The following HOATZ variants were observed in gnomAD, a reference collection of about 807,000 sequenced individuals.
HOATZ encodes the protein cilia- and flagella-associated protein HOATZ.
A neutral mutation model predicts 24.9 loss-of-function variants in HOATZ; 26 were observed. That is an observed-to-expected ratio of 1.04 (90% CI 0.76 to 1.45). HOATZ has a LOEUF of 1.45. Among genes scored for constraint, HOATZ ranks in the 40% most tolerant of loss-of-function variants. The pLI is 0.00. For synonymous variants in HOATZ, 83 were observed against 76.6 expected (o/e 1.08, Z -0.43); for missense variants, 226 against 201.5 (o/e 1.12, Z -0.74).
At chr11:111,530,231 G>A (rs1223743574) in intron 3 of HOATZ, among the ~76,000 whole-genome samples, 4 of 152,176 alleles carry the variant, frequency 2.6e-5, no homozygotes, top group Non-Finnish European at 5.9e-5. Context: ...CTAAGATCAC[G>A]AAGCTCTAAC....
intron 3 of HOATZ, among the ~76,000 whole-genome samples, chr11:111,517,699 T>C (rs1867220999): frequency 6.6e-6 from 1 of 152,154 alleles, no homozygotes; most frequent in African/African-American, 2.4e-5. Context: ...TATATGCACA[T>C]AATACTATGA....
At chr11:111,528,244 G>A (rs1389812137) in intron 3 of HOATZ, among the ~76,000 whole-genome samples, 2 of 152,182 alleles carry the variant, frequency 1.3e-5, no homozygotes, top group African/African-American at 4.8e-5. Flanking sequence ...GAGGTGGGAG[G>A]ATTGCTTGAG....
chr11:111,517,771 G>A (rs561143692), intron 3 of HOATZ, among the ~76,000 whole-genome samples: 1 of 152,268 alleles, frequency 6.6e-6, no homozygotes, highest in Admixed American at 6.5e-5. Flanking sequence ...CAAAGGTGCT[G>A]GGTTTTAAAG....
At chr11:111,524,828 G>A in intron 3 of HOATZ, 1 of 429,250 alleles carries the variant, frequency 2.3e-6, no homozygotes, top group Non-Finnish European at 4.6e-6. Context: ...AAACTTTGAT[G>A]AACAGCTTTT....
chr11:111,522,007 A>G (rs1324053674), intron 3 of HOATZ, among the ~76,000 whole-genome samples: 2 of 152,234 alleles, frequency 1.3e-5, no homozygotes, highest in East Asian at 1.9e-4. Context: ...GAGTAGGAAA[A>G]AAAAAATGCT....
Position 111,533,775 on chromosome 11 carries a change from C to G in HOATZ, c.369C>G (p.Leu123=). 1 of 1,572,436 alleles carries G rather than the reference C, an allele frequency of 6.4e-7. No homozygotes were observed. ...KAKTREEILQ[L]LRKQREERIS... is the part of the protein sequence containing the mutation. Reference sequence around the variant, plus strand: ...AAACAAGAGAAGAGATTCTCCAACTCTTAAGAAAACAAAGAGAAGAAAGGA... The same window carrying G: ...AAACAAGAGAAGAGATTCTCCAACTGTTAAGAAAACAAAGAGAAGAAAGGA... Residue 123 remains leucine (L), a synonymous_variant, in exon 4 of 6, where the codon CTC becomes CTG. Coordinates refer to ENST00000375618, the MANE Select transcript of HOATZ (RefSeq NM_001100388.2).
chr11:111,528,360 T>C (rs1250535110), intron 3 of HOATZ, among the ~76,000 whole-genome samples: 1 of 152,104 alleles, frequency 6.6e-6, no homozygotes, highest in Admixed American at 6.5e-5. Context: ...AATTAAATTC[T>C]GGAGGCTCAA....
chr11:111,525,313 A>G lies in HOATZ; in HGVS notation c.340-8433A>G, dbSNP rs138958473. On this transcript the variant is annotated intron_variant, in intron 3 of 5. Transcript: ENST00000375618. ...GACACATTCTTTAGAGCACTGAATAACTAAAAATATAAAAGATTGTTCTTA... is the reference window on the plus strand; with the variant it reads ...GACACATTCTTTAGAGCACTGAATAGCTAAAAATATAAAAGATTGTTCTTA... Among the ~76,000 whole-genome samples the G allele has an allele frequency of 2.6e-5, 4 of 152,364 alleles. 1 individual carries two copies. Among genetic ancestry groups the G allele is most frequent in the Non-Finnish European group, 4.4e-5 (3 of 68,042 alleles).
At chr11:111,535,629 T>C (rs1367550622) in intron 5 of HOATZ, 1 of 152,228 alleles carries the variant, frequency 6.6e-6, no homozygotes, top group Non-Finnish European at 1.5e-5. Flanking sequence ...TCTGTTGTGA[T>C]TATCTTCCTA....
At chr11:111,523,884 C>T (rs1867300673) in intron 3 of HOATZ, among the ~76,000 whole-genome samples, 1 of 152,224 alleles carries the variant, frequency 6.6e-6, no homozygotes. Flanking sequence ...ATAAATGCCT[C>T]TTTCTTTAAT....
chr11:111,524,499 A>T (rs1314902551), intron 3 of HOATZ, among the ~76,000 whole-genome samples: 2 of 152,230 alleles, frequency 1.3e-5, no homozygotes, highest in Non-Finnish European at 2.9e-5. Context: ...GGAATGCTAG[A>T]CAAGAAATTG....
At chr11:111,525,056 A>T (rs1867321038) in intron 3 of HOATZ, 1 of 316,404 alleles carries the variant, frequency 3.2e-6, no homozygotes, top group African/African-American at 2.2e-5. Context: ...TTTTTTGTAG[A>T]GGCAGGGTTT....
chr11:111,517,476 A>G (rs1358462509), intron 3 of HOATZ, among the ~76,000 whole-genome samples: 1 of 152,190 alleles, frequency 6.6e-6, no homozygotes, highest in Non-Finnish European at 1.5e-5. Flanking sequence ...TAGGCTAATA[A>G]TCTTAGAACT....
chr11:111,536,810 G>T lies in HOATZ; in HGVS notation c.493G>T (p.Val165Phe), dbSNP rs1487614070. Residue 165 changes from valine (V) to phenylalanine (F), a missense_variant, in exon 6 of 6, where the codon GTC becomes TTC. Physicochemically the swap from Val to Phe is conservative, Grantham distance 50. Coordinates refer to ENST00000375618, the MANE Select transcript of HOATZ (RefSeq NM_001100388.2). ...GTCAGATAAAGAGGACCAAGAAGAA[G>T]TCAAAACTTTGGACTAATTTGCTTG... ...SESDKEDQEE[V>F]KTLD 4 of 1,613,702 alleles carry T rather than the reference G, an allele frequency of 2.5e-6. No individual in the cohort carries two copies. The highest frequency in any genetic ancestry group is 3.4e-6 in the Non-Finnish European group (4 of 1,179,822).
chr11:111,527,037 C>A (rs774215423), intron 3 of HOATZ, among the ~76,000 whole-genome samples: 6 of 152,152 alleles, frequency 3.9e-5, no homozygotes, highest in Admixed American at 2.0e-4. Context: ...TCATTTTATG[C>A]TCATATTTTC....
chr11:111,518,077 A>G (rs1170583573), intron 3 of HOATZ, among the ~76,000 whole-genome samples: 1 of 152,180 alleles, frequency 6.6e-6, no homozygotes, highest in Non-Finnish European at 1.5e-5. Flanking sequence ...ACCTTCACAT[A>G]TATGCTTGCA....
intron 3 of HOATZ, among the ~76,000 whole-genome samples, chr11:111,528,393 T>C (rs1196774596): frequency 1.3e-5 from 2 of 152,170 alleles, no homozygotes; most frequent in East Asian, 3.9e-4. Flanking sequence ...CAGATAATGT[T>C]CTCAATTTCT....
At chr11:111,529,890 T>C (rs1867377746) in intron 3 of HOATZ, among the ~76,000 whole-genome samples, 1 of 152,112 alleles carries the variant, frequency 6.6e-6, no homozygotes, top group Admixed American at 6.5e-5. Context: ...TAATAACAAA[T>C]CATATCTTTA....
At chr11:111,522,245 C>G (rs1413793009) in intron 3 of HOATZ, among the ~76,000 whole-genome samples, 1 of 151,854 alleles carries the variant, frequency 6.6e-6, no homozygotes, top group Non-Finnish European at 1.5e-5. Flanking sequence ...CAAAATGAAG[C>G]AAAAAAGGAT....
Sources: allele counts gnomAD v4.1 joint callset (sites outside exome capture counted in the v4.1 genomes callset), GRCh38; gene constraint gnomAD v4.1.1; transcripts MANE v1.5; gene names NCBI Gene and HGNC (gene_info 2026-07-23, HGNC 2026-07-21).